The following AGT variants were observed in gnomAD, a reference collection of about 807,000 sequenced individuals.
AGT encodes alpha-1 antiproteinase, antitrypsin.
In AGT, 26 loss-of-function variants were observed where a neutral mutation model predicts 28.1. The ratio of observed to expected loss-of-function variants is 0.92; its 90% CI spans 0.68 to 1.28. AGT has a LOEUF of 1.28. Among genes scored for constraint, AGT ranks in the 50% most tolerant of loss-of-function variants. The probability of loss-of-function intolerance (pLI) is 0.00; values close to 1 mark genes in which losing one functional copy is unlikely to be tolerated. For missense variants in AGT, 596 were observed against 592.3 expected (o/e 1.01, Z -0.06); for synonymous variants, 259 against 259.6 (o/e 1.00, Z 0.02).
At position 230,707,897 on chromosome 1, in the gene AGT, G is replaced by C. The variant is rs115291301; in HGVS notation, c.830-1697C>G. Among the ~76,000 whole-genome samples the C allele has an allele frequency of 6.8e-3, 1,033 of 152,302 alleles. 5 individuals carry two copies. The highest frequency in any genetic ancestry group is 0.02 in the African/African-American group (821 of 41,568). ...GGTGTCATGGAAACCACCAGGGCCAGCGCCCCATGCTCAGGAGCACAGCAA... is the reference window on the plus strand; with the variant it reads ...GGTGTCATGGAAACCACCAGGGCCACCGCCCCATGCTCAGGAGCACAGCAA... On this transcript the variant is annotated intron_variant, in intron 2 of 4. Transcript: ENST00000366667.
At chr1:230,719,659 G>A (rs375462548) in intron 1 of AGT, among the ~76,000 whole-genome samples, 31 of 152,060 alleles carry the variant, frequency 2.0e-4, no homozygotes, top group African/African-American at 4.1e-4. Context: ...CGCCTGCCTC[G>A]GCCTCCCAAA....
intron 1 of AGT, 88 bp from the exon 2 acceptor site, chr1:230,710,941 C>T: frequency 6.7e-7 from 1 of 1,487,944 alleles, no homozygotes; most frequent in South Asian, 1.2e-5. Context: ...TCTCAATATT[C>T]CCTGTCACCA....
intron 1 of AGT, among the ~76,000 whole-genome samples, chr1:230,733,370 T>A (rs1402986357): frequency 6.6e-6 from 1 of 152,190 alleles, no homozygotes; most frequent in Non-Finnish European, 1.5e-5. Flanking sequence ...GCTCTGAAAC[T>A]CAGTGTTTCC....
chr1:230,724,294 G>A (rs11122584), intron 1 of AGT, among the ~76,000 whole-genome samples: 21,504 of 152,170 alleles, frequency 0.14, 1,655 homozygotes, highest in South Asian at 0.22. Flanking sequence ...AGAGGAGTTA[G>A]CTATAGACTT....
upstream of AGT, among the ~76,000 whole-genome samples, chr1:230,714,775 G>T (rs147251053): frequency 1.3e-4 from 20 of 152,332 alleles, no homozygotes; most frequent in East Asian, 3.9e-3. Flanking sequence ...CAGGATGCAG[G>T]CATTGAAAGA....
intron 1 of AGT, among the ~76,000 whole-genome samples, chr1:230,725,871 C>T (rs1663931761): frequency 6.6e-6 from 1 of 152,124 alleles, no homozygotes; most frequent in Non-Finnish European, 1.5e-5. Context: ...TTTCTGTCAC[C>T]ATTAGGGCCT....
chr1:230,711,706 C>G (rs145424775), intron 1 of AGT, among the ~76,000 whole-genome samples: 2 of 152,084 alleles, frequency 1.3e-5, no homozygotes, highest in African/African-American at 4.8e-5. Context: ...AAAACCAGCT[C>G]TCAACCATCC....
chr1:230,745,250 A>G (rs1453390029), intron 1 of AGT, among the ~76,000 whole-genome samples: 1 of 152,094 alleles, frequency 6.6e-6, no homozygotes, highest in East Asian at 1.9e-4. Flanking sequence ...TGCAGAGAGG[A>G]TAGGGGAAAG....
chr1:230,731,147 C>T (rs1571986256), intron 1 of AGT, among the ~76,000 whole-genome samples: 1 of 152,326 alleles, frequency 6.6e-6, no homozygotes, highest in East Asian at 1.9e-4. Context: ...AAATGGAGTT[C>T]ATATCCAAGG....
chr1:230,744,223 C>T (rs532974466), intron 1 of AGT, among the ~76,000 whole-genome samples: 1 of 152,308 alleles, frequency 6.6e-6, no homozygotes, highest in East Asian at 1.9e-4. Flanking sequence ...GCTGCAGTTT[C>T]TGTAACTATT....
chr1:230,714,202 G>C (rs1663677580), upstream of AGT: 1 of 152,238 alleles, frequency 6.6e-6, no homozygotes, highest in Non-Finnish European at 1.5e-5. Flanking sequence ...GCACAGGCTG[G>C]AGAGGAGGGT....
chr1:230,707,477 G>C (rs1663420122), intron 2 of AGT, among the ~76,000 whole-genome samples: 1 of 152,254 alleles, frequency 6.6e-6, no homozygotes, highest in Non-Finnish European at 1.5e-5. Context: ...TGGGAGGACA[G>C]AACTGGCAGG....
In AGT at chr1:230,703,719, C is replaced by T. The variant is rs1400279622; in HGVS notation, c.1243-390G>A. Among the ~76,000 whole-genome samples, 7 of 152,216 alleles carry T rather than the reference C, an allele frequency of 4.6e-5. No individual in the cohort carries two copies. The East Asian group carries it at 1.3e-3, about 29-fold the overall frequency. On this transcript the variant is annotated intron_variant, in intron 4 of 4. Coordinates refer to ENST00000366667, the MANE Select transcript of AGT (RefSeq NM_001384479.1). ...TTCCCGCTGGCCCCCGTAAGAACTC[C>T]CACTTTCTCCCCAGCACTGAGCACA...
rs199864970 is a variant in AGT at position 230,710,501 on chromosome 1, A to C, written c.323T>G (p.Ile108Arg). 2 of 1,614,226 alleles carry C rather than the reference A, an allele frequency of 1.2e-6. No individual in the cohort carries two copies. Among genetic ancestry groups the C allele is most frequent in the Non-Finnish European group, 8.5e-7 (1 of 1,180,040 alleles). The change falls in exon 2 of 5, where the codon ATA becomes AGA. Residue 108 changes from isoleucine (I) to arginine (R), a missense_variant. Ile to Arg is a moderately conservative substitution (Grantham distance 97). Coordinates refer to ENST00000366667, the MANE Select transcript of AGT (RefSeq NM_001384479.1). ...CCATAGCTCACTGTGCATGCCATATATACGGAAGCCCAAGAAGTTGGCCAG... is the reference window on the plus strand; with the variant it reads ...CCATAGCTCACTGTGCATGCCATATCTACGGAAGCCCAAGAAGTTGGCCAG... ...GMLANFLGFR[I>R]YGMHSELWGV...
chr1:230,729,136 G>A (rs1173607499), intron 1 of AGT, among the ~76,000 whole-genome samples: 4 of 152,176 alleles, frequency 2.6e-5, no homozygotes, highest in Non-Finnish European at 4.4e-5. Context: ...CCTGCCTGGT[G>A]CAGTTTCTCC....
At chr1:230,715,423 A>G (rs1663711025), upstream of AGT, among the ~76,000 whole-genome samples, 2 of 152,150 alleles carry the variant, frequency 1.3e-5, no homozygotes, top group African/African-American at 4.8e-5. Context: ...TGTAATTCAA[A>G]CACTTTTTGA....
chr1:230,728,709 A>G (rs1663997853), intron 1 of AGT, among the ~76,000 whole-genome samples: 1 of 152,190 alleles, frequency 6.6e-6, no homozygotes. Flanking sequence ...CAGTGTCCAC[A>G]GCAGCATACA....
intron 1 of AGT, among the ~76,000 whole-genome samples, chr1:230,733,039 T>C (rs550225517): frequency 6.6e-6 from 1 of 152,016 alleles, no homozygotes; most frequent in East Asian, 1.9e-4. Flanking sequence ...CCCAGCACTT[T>C]GGGAGGCCAA....
chr1:230,737,185 T>C (rs369243638), intron 1 of AGT, among the ~76,000 whole-genome samples: 1 of 152,174 alleles, frequency 6.6e-6, no homozygotes, highest in South Asian at 2.1e-4. Context: ...ATCAAATACC[T>C]CTCTGCCTAG....
Sources: gnomAD v4.1 joint callset for allele counts (sites outside exome capture counted in the v4.1 genomes callset) on GRCh38, gnomAD v4.1.1 for gene constraint, MANE v1.5 for transcripts, NCBI Gene and HGNC (gene_info 2026-07-23, HGNC 2026-07-21) for gene names.